BSDC1: variants seen among roughly 807,000 people sequenced by gnomAD.
The protein encoded by BSDC1 is BSD domain-containing protein 1.
In BSDC1, 29 loss-of-function variants were observed where a neutral mutation model predicts 56.0. The observed-to-expected ratio is 0.52, with a 90% CI of 0.39 to 0.71. BSDC1 has a LOEUF of 0.71. BSDC1 is among the 30% of genes least tolerant of loss of function. The pLI is 0.00. For synonymous variants in BSDC1, 210 were observed against 215.3 expected, an observed-to-expected ratio of 0.98 and a Z score of 0.21; for missense variants, 477 against 548.5, an observed-to-expected ratio of 0.87 and a Z score of 1.30.
chr1:32,386,722 CCAGGA>C, intron 3 of BSDC1, 52 bp downstream of exon 3: 1 of 1,330,682 alleles, frequency 7.5e-7, no homozygotes, highest in Non-Finnish European at 1.1e-6. Context: ...GGTTGGGAGC[CCAGGA>C]CAGGACAGGT....
rs547640264 is a variant in BSDC1, at chr1:32,376,764, G to T, written c.677-23C>A. 29 of 1,340,100 alleles carry T rather than the reference G, an allele frequency of 2.2e-5. 1 individual carries two copies. The highest frequency in any genetic ancestry group is 7.3e-5 in the African/African-American group (5 of 68,418). The allele number at this position is 1,340,100 out of a possible 1,614,324, so 83.0% of individuals were successfully genotyped here. The stretch of plus-strand genomic sequence containing the variant: ...CCTCTGTAGAGAGAGAAAGGGAGGG[G>T]CAAGAGGGAAATGTAACCTGGCCAG... On this transcript the variant is annotated intron_variant, in intron 8 of 10. Coordinates refer to ENST00000455895, the MANE Select transcript of BSDC1 (RefSeq NM_018045.8).
intron 2 of BSDC1, among the ~76,000 whole-genome samples, chr1:32,392,204 T>A (rs1393576867): frequency 6.6e-6 from 1 of 151,934 alleles, no homozygotes; most frequent in African/African-American, 2.4e-5. Context: ...TGGTGGCACA[T>A]GCCTGTAATC....
At chr1:32,386,661 T>C (rs1642682335) in intron 3 of BSDC1, 118 bp downstream of exon 3, 2 of 602,108 alleles carry the variant, frequency 3.3e-6, no homozygotes, top group African/African-American at 3.8e-5. Flanking sequence ...GGAGGAAAAG[T>C]AATCCACATA....
intron 3 of BSDC1, among the ~76,000 whole-genome samples, chr1:32,384,478 G>C (rs1260987099): frequency 6.6e-6 from 1 of 152,146 alleles, no homozygotes; most frequent in East Asian, 1.9e-4. Flanking sequence ...ATCCTTCATA[G>C]GGTTACCATG....
chr1:32,375,793 C>A (rs1642257792), intron 9 of BSDC1, among the ~76,000 whole-genome samples: 1 of 152,176 alleles, frequency 6.6e-6, no homozygotes, highest in Non-Finnish European at 1.5e-5. Flanking sequence ...GATTCCCAAG[C>A]CAGGGTAAGG....
rs1318930547 is a variant in BSDC1 at position 32,365,222 on chromosome 1, T to C, written c.*1400A>G. On this transcript the variant is annotated 3_prime_UTR_variant, in exon 11 of 11. Transcript: ENST00000455895. ...ACTAACAGCTGTTAGAATCTTTTTT[T>C]CTTTTTTTCCTTTTTTCTTTTCCCA... is the stretch of plus-strand genomic sequence containing the variant. The C allele has an allele frequency of 6.6e-6, 1 of 152,218 alleles. No individual in the cohort carries two copies. Among genetic ancestry groups the C allele is most frequent in the African/African-American group, 2.4e-5 (1 of 41,460 alleles). 9.4% of individuals were successfully genotyped at this position (152,218 alleles called of 1,614,324 possible).
chr1:32,368,309 C>T (rs752659068), intron 10 of BSDC1, 138 bp downstream of exon 10: 5 of 1,604,268 alleles, frequency 3.1e-6, no homozygotes, highest in Non-Finnish European at 4.3e-6. Flanking sequence ...GAGCAGGAAG[C>T]TCCAGCTCCT....
At chr1:32,368,669 A>C (rs777504266) in intron 9 of BSDC1, 119 bp from the exon 10 acceptor site, 2 of 1,405,132 alleles carry the variant, frequency 1.4e-6, no homozygotes, top group Non-Finnish European at 1.9e-6. Context: ...AAGTCTTTAC[A>C]TTTTGTGTTC....
intron 9 of BSDC1, chr1:32,369,154 G>A (rs982117321): frequency 1.7e-5 from 12 of 703,928 alleles, no homozygotes; most frequent in Non-Finnish European, 2.1e-5. Flanking sequence ...GAGTTACATG[G>A]TGGAACACTG....
At chr1:32,389,770 T>C (rs1642800474) in intron 2 of BSDC1, among the ~76,000 whole-genome samples, 1 of 151,088 alleles carries the variant, frequency 6.6e-6, no homozygotes. Context: ...TTGGACACTA[T>C]GGCAAAACCG....
chr1:32,386,880 C>T lies in BSDC1; in HGVS notation c.88G>A (p.Glu30Lys). The change falls in exon 3 of 11, where the codon GAG becomes AAG. Residue 30 changes from glutamate (E) to lysine (K), a missense_variant. Glu to Lys is a moderately conservative substitution (Grantham distance 56, BLOSUM62 1). Transcript: ENST00000455895. ...TCCGTCAGGTCCCGCTTCATAAACT[C>T]CAAGGCTTCAGAGGACTGTGGGAAG... ...AVKEKSSEAL[E>K]FMKRDLTEFT... The T allele has an allele frequency of 5.0e-6, 8 of 1,612,216 alleles. No individual in the cohort carries two copies. The highest frequency in any genetic ancestry group is 5.9e-6 in the Non-Finnish European group (7 of 1,180,004).
At chr1:32,374,428 C>G (rs113171034) in intron 9 of BSDC1, among the ~76,000 whole-genome samples, 6 of 152,364 alleles carry the variant, frequency 3.9e-5, no homozygotes, top group African/African-American at 1.4e-4. Context: ...GTCTGAACTC[C>G]AGAACCCACA....
intron 10 of BSDC1, chr1:32,367,501 T>C: frequency 1.0e-6 from 1 of 985,438 alleles, no homozygotes; most frequent in Non-Finnish European, 1.2e-6. Flanking sequence ...GTCTCTCTAA[T>C]CTGTCCACCT....
At chr1:32,372,748 G>A (rs1260137427) in intron 9 of BSDC1, among the ~76,000 whole-genome samples, 2 of 152,164 alleles carry the variant, frequency 1.3e-5, no homozygotes, top group African/African-American at 2.4e-5. Flanking sequence ...GGAAGTTTTC[G>A]GGTGATTGCT....
In BSDC1 at chr1:32,364,936, C is replaced by T. The variant is rs1641789350; in HGVS notation, c.*1686G>A. On this transcript the variant is annotated 3_prime_UTR_variant, in exon 11 of 11. Coordinates refer to ENST00000455895, the MANE Select transcript of BSDC1 (RefSeq NM_018045.8). ...TCCCAGTGAGAGGCCTGTTGCGAGC[C>T]CTGACCCTTTCTCATCCCAAAGGCA... 6.6e-6 allele frequency among the ~76,000 whole-genome samples: 1 copy of T among 152,174 alleles called. No homozygotes were observed. The highest frequency in any genetic ancestry group is 6.5e-5 in the Admixed American group (1 of 15,282).
Position 32,394,206 on chromosome 1 carries a change from G to A in BSDC1, c.12-66C>T. The A allele has an allele frequency of 1.9e-6, 3 of 1,580,910 alleles. No homozygotes were observed. The South Asian group carries it at 3.4e-5, about 18-fold the overall frequency. On this transcript the variant is annotated intron_variant, in intron 1 of 10. Coordinates refer to ENST00000455895, the MANE Select transcript of BSDC1 (RefSeq NM_018045.8). ...TCCTGCCCGCCCAAGGATCCGGTTT[G>A]TTCCCCGCTCAGATGTACCCTGCGG...
intron 9 of BSDC1, among the ~76,000 whole-genome samples, chr1:32,368,898 C>A (rs1026343456): frequency 2.0e-5 from 3 of 152,144 alleles, no homozygotes; most frequent in African/African-American, 7.2e-5. Flanking sequence ...CGGGGTTTCA[C>A]CATGTTGGCC....
chr1:32,371,303 C>CTT (rs963070889), intron 9 of BSDC1, among the ~76,000 whole-genome samples: 1,439 of 117,830 alleles, frequency 0.012, 79 homozygotes, highest in African/African-American at 0.046. Flanking sequence ...ACTTTGTAAT[C>CTT]TTTTTTTTTT....
At chr1:32,375,285 C>T (rs1413314390) in intron 9 of BSDC1, among the ~76,000 whole-genome samples, 1 of 152,048 alleles carries the variant, frequency 6.6e-6, no homozygotes, top group Non-Finnish European at 1.5e-5. Context: ...GGGTGGGGTC[C>T]ATTTCCCATC....
Sources: gnomAD v4.1 joint callset for allele counts (sites outside exome capture counted in the v4.1 genomes callset) on GRCh38, gnomAD v4.1.1 for gene constraint, MANE v1.5 for transcripts, NCBI Gene and HGNC (gene_info 2026-07-23, HGNC 2026-07-21) for gene names.